Variants in CADM3 observed in about 807,000 individuals in gnomAD.
The protein encoded by CADM3 is TSLC1-like 1.
CADM3 carries 11 observed loss-of-function variants against 44.9 expected under a neutral mutation model. The observed-to-expected ratio is 0.25, with a 90% CI of 0.15 to 0.41. The LOEUF (loss-of-function observed/expected upper bound fraction) is 0.41, where lower values mean the gene tolerates loss of function less well. Ranked by LOEUF, CADM3 falls within the 10% of genes least tolerant of loss-of-function variation. The pLI is 1.00. For synonymous variants in CADM3, 207 were observed against 205.2 expected (o/e 1.01, Z -0.08); for missense variants, 426 against 512.0 (o/e 0.83, Z 1.62).
At chr1:159,182,893 G>A (rs1172340147) in intron 1 of CADM3, among the ~76,000 whole-genome samples, 1 of 152,110 alleles carries the variant, frequency 6.6e-6, no homozygotes, top group Non-Finnish European at 1.5e-5. Context: ...AAAATGTTAA[G>A]AATAATTGTT....
chr1:159,173,446 C>G (rs553942628), intron 1 of CADM3, among the ~76,000 whole-genome samples: 2 of 152,196 alleles, frequency 1.3e-5, no homozygotes, highest in East Asian at 3.9e-4. Context: ...TCCTTCTGCC[C>G]TCTACCCATC....
intron 5 of CADM3, chr1:159,194,248 G>T (rs1649798273): frequency 2.0e-6 from 1 of 506,712 alleles, no homozygotes; most frequent in Non-Finnish European, 3.5e-6. Context: ...GACCCATACA[G>T]CCTCTGTGTC....
In CADM3 at chr1:159,200,868, C is replaced by T. The variant is rs146980674; in HGVS notation, c.1143C>T (p.Ile381=). ...CTCCAGACGCGGACACGGCCATCAT[C>T]AATGCAGAAGGCGGGCAGTCAGGAG... ...DDAPDADTAI[I]NAEGGQSGGD... The change falls in exon 9 of 9, where the codon ATC becomes ATT. Residue 381 remains isoleucine, a synonymous_variant. Transcript: ENST00000368125. The T allele has an allele frequency of 3.7e-6, 6 of 1,611,402 alleles. 1 individual carries two copies. Among genetic ancestry groups the T allele is most frequent in the Admixed American group, 1.7e-5 (1 of 59,700 alleles).
At position 159,191,447 on chromosome 1, in the gene CADM3, A is replaced by G. The variant is rs370998700; in HGVS notation, c.89-489A>G. On this transcript the variant is annotated intron_variant, in intron 1 of 8. Transcript: ENST00000368125. The stretch of plus-strand genomic sequence containing the variant: ...TACCTCTTGTGTAAATGAATGTGCA[A>G]TCCAAGAGCTGGTTTAGCCTTTTCC... Among the ~76,000 whole-genome samples the G allele has an allele frequency of 1.2e-4, 19 of 152,372 alleles. 1 individual carries two copies. The highest frequency in any genetic ancestry group is 4.3e-4 in the African/African-American group (18 of 41,588).
At chr1:159,182,349 A>T (rs1250434769) in intron 1 of CADM3, among the ~76,000 whole-genome samples, 1 of 152,182 alleles carries the variant, frequency 6.6e-6, no homozygotes, top group Non-Finnish European at 1.5e-5. Flanking sequence ...TGCACAGGAG[A>T]TGAGGCATAG....
chr1:159,192,492 C>T, intron 2 of CADM3, 86 bp from the exon 3 acceptor site: 1 of 1,528,284 alleles, frequency 6.5e-7, no homozygotes, highest in East Asian at 2.3e-5. Flanking sequence ...TAGACCCCTT[C>T]CCCCAAAGAA....
At chr1:159,181,681 C>T (rs1239178513) in intron 1 of CADM3, among the ~76,000 whole-genome samples, 1 of 152,222 alleles carries the variant, frequency 6.6e-6, no homozygotes, top group African/African-American at 2.4e-5. Context: ...AACTGCAGTT[C>T]TCCTTGCTAC....
Position 159,193,500 on chromosome 1 carries a change from T to G in CADM3, c.460T>G (p.Ser154Ala). ...AGACACAGCCACCCTAAACTGTCAG[T>G]CTTCTGGGAGCAAGCCTGCAGCCCG... ...EKDTATLNCQ[S>A]SGSKPAARLT... Residue 154 changes from serine (S) to alanine (A), a missense_variant, in exon 4 of 9, where the codon TCT (serine) becomes GCT (alanine). By Grantham distance (99) the Ser-to-Ala change is moderately conservative (BLOSUM62 1). Around this residue, in one of 2 missense-constraint regions of CADM3, gnomAD observed 362 missense variants for 474.6 expected, o/e 0.76. Transcript: ENST00000368125. 1 of 1,614,020 alleles carries G rather than the reference T, an allele frequency of 6.2e-7. No homozygotes were observed. The highest frequency in any genetic ancestry group is 2.2e-5 in the East Asian group (1 of 44,872).
At chr1:159,197,278 A>T in intron 7 of CADM3, 1 of 486,220 alleles carries the variant, frequency 2.1e-6, no homozygotes. Context: ...GTGGGCTCTC[A>T]TCTGCCTTTC....
At chr1:159,193,805 A>G (rs748790127) in intron 4 of CADM3, 65 bp from the exon 5 acceptor site, 11 of 1,585,034 alleles carry the variant, frequency 6.9e-6, no homozygotes, top group South Asian at 1.1e-5. Flanking sequence ...TGATATCTGT[A>G]TGTTAGGTTT....
At chr1:159,193,776 G>A (rs547911902) in intron 4 of CADM3, 94 bp from the exon 5 acceptor site, 216 of 1,530,752 alleles carry the variant, frequency 1.4e-4, no homozygotes, top group Non-Finnish European at 1.6e-4. Context: ...CCATCTGTAC[G>A]TCTACAATGA....
At chr1:159,179,281 C>T (rs1649140844) in intron 1 of CADM3, among the ~76,000 whole-genome samples, 1 of 152,136 alleles carries the variant, frequency 6.6e-6, no homozygotes, top group Non-Finnish European at 1.5e-5. Flanking sequence ...TCCAAGAGAA[C>T]AATAAGAAAG....
intron 1 of CADM3, among the ~76,000 whole-genome samples, chr1:159,186,580 T>A (rs1649428521): frequency 6.6e-6 from 1 of 152,164 alleles, no homozygotes; most frequent in Admixed American, 6.5e-5. Context: ...CCAAAGAAGG[T>A]ACAAGTCTTT....
At chr1:159,184,815 G>A (rs764344421) in intron 1 of CADM3, among the ~76,000 whole-genome samples, 4 of 152,130 alleles carry the variant, frequency 2.6e-5, no homozygotes, top group Non-Finnish European at 4.4e-5. Flanking sequence ...GTGAGACTCT[G>A]TGCTATGAGT....
rs563464031 is a variant in CADM3, at chr1:159,198,820, A to C, written c.953-931A>C. On this transcript the variant is annotated intron_variant, in intron 7 of 8. Transcript: ENST00000368125. ...AGTCTGTGCTGTTGATCCTCTATAC[A>C]GGTTGTCAATCCTCTACATAGGTTG... Among the ~76,000 whole-genome samples the C allele has an allele frequency of 9.2e-5, 14 of 152,234 alleles. No individual in the cohort carries two copies. In the East Asian group the frequency reaches 2.7e-3, roughly 29 times the overall value.
intron 1 of CADM3, among the ~76,000 whole-genome samples, chr1:159,173,586 T>C (rs1464927200): frequency 6.6e-6 from 1 of 152,116 alleles, no homozygotes; most frequent in African/African-American, 2.4e-5. Flanking sequence ...AAGGGAGTCC[T>C]TGGGGAGAGC....
chr1:159,192,507 G>T, intron 2 of CADM3, 71 bp from the exon 3 acceptor site: 3 of 1,592,716 alleles, frequency 1.9e-6, no homozygotes, highest in South Asian at 2.2e-5. Context: ...AAAGAAGCTG[G>T]CCTGGGATTG....
chr1:159,179,518 C>G (rs1260835077), intron 1 of CADM3, among the ~76,000 whole-genome samples: 1 of 152,184 alleles, frequency 6.6e-6, no homozygotes, highest in Non-Finnish European at 1.5e-5. Flanking sequence ...GTAGGCTAGC[C>G]ATTATTCATT....
intron 4 of CADM3, 52 bp from the exon 5 acceptor site, chr1:159,193,818 T>G: frequency 6.3e-7 from 1 of 1,599,052 alleles, no homozygotes; most frequent in South Asian, 1.1e-5. Context: ...TTAGGTTTAC[T>G]CTGTGTCTCT....
Sources: gnomAD v4.1 joint callset for allele counts (sites outside exome capture counted in the v4.1 genomes callset) on GRCh38, gnomAD v4.1.1 for gene constraint, gnomAD v4.1.1 regional missense constraint, MANE v1.5 for transcripts, NCBI Gene and HGNC (gene_info 2026-07-23, HGNC 2026-07-21) for gene names.